TMEM144: variants seen among roughly 807,000 people sequenced by gnomAD.
The protein encoded by TMEM144 is transmembrane protein 144.
Under a neutral mutation model 43.6 loss-of-function variants are expected in TMEM144, and 39 were observed. The observed-to-expected ratio is 0.90, with a 90% CI of 0.69 to 1.17. The LOEUF (loss-of-function observed/expected upper bound fraction) is 1.17. TMEM144 is among the 50% of genes most tolerant of loss of function. The pLI is 0.00. For synonymous variants in TMEM144, 154 were observed against 133.6 expected (o/e 1.15, Z -1.06); for missense variants, 417 against 411.9 (o/e 1.01, Z -0.11).
chr4:158,250,665 T>C (rs1365110535), intron 12 of TMEM144, among the ~76,000 whole-genome samples: 1 of 152,172 alleles, frequency 6.6e-6, no homozygotes, highest in Non-Finnish European at 1.5e-5. Flanking sequence ...TGAGTCTCCC[T>C]AAGCCTACAC....
At chr4:158,222,227 C>T (rs997042284) in intron 6 of TMEM144, among the ~76,000 whole-genome samples, 2 of 152,190 alleles carry the variant, frequency 1.3e-5, no homozygotes, top group Non-Finnish European at 2.9e-5. Flanking sequence ...TAGTTGATAT[C>T]TGCCCTACAT....
At chr4:158,215,807 A>T (rs1734193168) in intron 4 of TMEM144, among the ~76,000 whole-genome samples, 1 of 152,172 alleles carries the variant, frequency 6.6e-6, no homozygotes, top group Admixed American at 6.5e-5. Context: ...GAAATTATAT[A>T]ATTAGAATTC....
At chr4:158,212,579 C>A in intron 2 of TMEM144, 29 bp from the exon 3 acceptor site, 1 of 949,962 alleles carries the variant, frequency 1.1e-6, no homozygotes. Context: ...ATTCACGTCT[C>A]AATTGTTTCA....
At chr4:158,251,561 T>A (rs1290995546) in intron 12 of TMEM144, among the ~76,000 whole-genome samples, 1 of 152,226 alleles carries the variant, frequency 6.6e-6, no homozygotes, top group Non-Finnish European at 1.5e-5. Context: ...AAACAGCATG[T>A]GGATCAAGCT....
intron 12 of TMEM144, 90 bp from the exon 13 acceptor site, chr4:158,253,354 G>T: frequency 9.0e-7 from 1 of 1,112,312 alleles, no homozygotes; most frequent in African/African-American, 1.5e-5. Flanking sequence ...TAGAGCAGAT[G>T]GTTAGGTCCC....
chr4:158,222,508 T>C (rs529923884), intron 6 of TMEM144, among the ~76,000 whole-genome samples: 2 of 152,346 alleles, frequency 1.3e-5, no homozygotes, highest in South Asian at 4.1e-4. Flanking sequence ...TGATGTTTTC[T>C]TGATTTTCTT....
rs369154668 is a variant in TMEM144 at position 158,212,632 on chromosome 4, C to T, written c.-36C>T. The T allele has an allele frequency of 1.3e-6, 2 of 1,501,764 alleles. No individual in the cohort carries two copies. Among genetic ancestry groups the T allele is most frequent in the African/African-American group, 2.8e-5 (2 of 71,420 alleles). The allele number at this position is 1,501,764 out of a possible 1,614,324, so 93.0% of individuals were successfully genotyped here. A position where few individuals can be genotyped will look rare whatever the true frequency, so the allele number is the denominator to read the frequency against. ...GAAGCTCCTGAAAAGTACATCAAGT[C>T]TAAAGTGAACCAGCTAACTCATTAA... On this transcript the variant is annotated 5_prime_UTR_variant, in exon 3 of 13. Coordinates refer to ENST00000296529, the MANE Select transcript of TMEM144 (RefSeq NM_018342.5).
intron 1 of TMEM144, chr4:158,211,096 C>T (rs115064850): frequency 6.1e-4 from 93 of 152,202 alleles, no homozygotes; most frequent in African/African-American, 2.2e-3. Flanking sequence ...AGCGGTAGAG[C>T]CTTTTTAAAG....
rs1226962310 is a variant in TMEM144 at position 158,255,303 on chromosome 4, T to C, written c.*1776T>C. ...ACAAAAGCTATTTTTCTCATTTAAA[T>C]ATATTTTAGAATTTTATATTGGATA... On this transcript the variant is annotated 3_prime_UTR_variant, in exon 13 of 13. Coordinates refer to ENST00000296529, the MANE Select transcript of TMEM144 (RefSeq NM_018342.5). 1 of 151,838 alleles carries C rather than the reference T, an allele frequency of 6.6e-6. No homozygotes were observed. The highest frequency in any genetic ancestry group is 1.5e-5 in the Non-Finnish European group (1 of 67,920). The allele number at this position is 151,838 out of a possible 1,614,324, so 9.4% of individuals were successfully genotyped here.
intron 3 of TMEM144, chr4:158,213,333 C>T (rs2111098206): frequency 6.5e-6 from 1 of 152,818 alleles, no homozygotes; most frequent in South Asian, 2.1e-4. Flanking sequence ...AACTCCTCAC[C>T]CAATACCTTC....
chr4:158,230,099 C>T (rs1734997859), intron 6 of TMEM144, among the ~76,000 whole-genome samples: 2 of 152,190 alleles, frequency 1.3e-5, no homozygotes, highest in Admixed American at 6.5e-5. Flanking sequence ...AGTGTTGGGA[C>T]CCTAGGCCCC....
At chr4:158,249,487 T>A (rs910116888) in intron 12 of TMEM144, among the ~76,000 whole-genome samples, 1 of 152,196 alleles carries the variant, frequency 6.6e-6, no homozygotes, top group Non-Finnish European at 1.5e-5. Flanking sequence ...AACATCCACC[T>A]TTGATGAAGG....
chr4:158,233,056 C>A, intron 7 of TMEM144, 74 bp downstream of exon 7: 1 of 1,187,022 alleles, frequency 8.4e-7, no homozygotes, highest in South Asian at 1.5e-5. Context: ...AAATTTTAAA[C>A]ACAGATGAAA....
At chr4:158,240,949 T>C (rs755816927) in intron 10 of TMEM144, among the ~76,000 whole-genome samples, 2 of 152,198 alleles carry the variant, frequency 1.3e-5, no homozygotes, top group Non-Finnish European at 2.9e-5. Context: ...ATTTGGAATG[T>C]AGGTCCACAA....
At chr4:158,236,654 A>G (rs1221173733) in intron 8 of TMEM144, among the ~76,000 whole-genome samples, 1 of 151,844 alleles carries the variant, frequency 6.6e-6, no homozygotes, top group Admixed American at 6.6e-5. Context: ...TTTGCCTACA[A>G]CTGTCTTCTG....
At position 158,254,960 on chromosome 4, in the gene TMEM144, A is replaced by G. The variant is rs1409478960; in HGVS notation, c.*1433A>G. ...TATTGTGTGGTTGAAATTAGTTCAA[A>G]TCTGTAAAGTATGTTGATGAGTATC... On this transcript the variant is annotated 3_prime_UTR_variant, in exon 13 of 13. Transcript: ENST00000296529. The G allele has an allele frequency of 6.6e-6, 1 of 152,154 alleles. No homozygotes were observed. The highest frequency in any genetic ancestry group is 1.5e-5 in the Non-Finnish European group (1 of 68,022). The allele number at this position is 152,154 out of a possible 1,614,324, so 9.4% of individuals were successfully genotyped here.
At chr4:158,229,465 C>T (rs181534466) in intron 6 of TMEM144, among the ~76,000 whole-genome samples, 59 of 152,244 alleles carry the variant, frequency 3.9e-4, no homozygotes, top group African/African-American at 1.4e-3. Flanking sequence ...TAGAGGATCT[C>T]ACCCAGTTGG....
Position 158,232,977 on chromosome 4 carries a change from G to C in TMEM144, c.490G>C (p.Glu164Gln), listed in dbSNP as rs755185118. 12 of 1,604,646 alleles carry C rather than the reference G, an allele frequency of 7.5e-6. No individual in the cohort carries two copies. Among genetic ancestry groups the C allele is most frequent in the Non-Finnish European group, 8.5e-6 (10 of 1,174,080 alleles). The change falls in exon 7 of 13, where the codon GAG becomes CAG. Residue 164 changes from glutamate to glutamine, a missense_variant. Physicochemically the swap from Glu to Gln is conservative, Grantham distance 29. Coordinates refer to ENST00000296529, the MANE Select transcript of TMEM144 (RefSeq NM_018342.5). Reference protein sequence around the residue: ...CSMDTTPLITEHVINTTQDPC... With the variant: ...CSMDTTPLITQHVINTTQDPC... ...CATGGATACCACTCCATTAATAACA[G>C]AGCATGTGAGTATAGTATGAGAGAC...
intron 9 of TMEM144, among the ~76,000 whole-genome samples, chr4:158,239,412 A>C (rs1484196731): frequency 6.6e-6 from 1 of 152,018 alleles, no homozygotes; most frequent in Non-Finnish European, 1.5e-5. Flanking sequence ...TGGAGTTGGG[A>C]TTTTTCCGAG....
Sources: allele counts gnomAD v4.1 joint callset (sites outside exome capture counted in the v4.1 genomes callset), GRCh38; gene constraint gnomAD v4.1.1; transcripts MANE v1.5; gene names NCBI Gene and HGNC (gene_info 2026-07-23, HGNC 2026-07-21).